The following TBCK variants were observed in gnomAD, a reference collection of about 807,000 sequenced individuals.
TBCK encodes TBC domain-containing protein kinase-like protein.
In TBCK, 99 loss-of-function variants were observed where a neutral mutation model predicts 113.4. The observed-to-expected ratio is 0.87, with a 90% CI of 0.74 to 1.03. The LOEUF is 1.03. TBCK is among the 50% of genes least tolerant of loss of function. TBCK has a pLI of 0.00. For synonymous variants in TBCK, 369 were observed against 370.8 expected, an observed-to-expected ratio of 1.00 and a Z score of 0.05; for missense variants, 1,045 against 1,061.3, an observed-to-expected ratio of 0.98 and a Z score of 0.21.
At chr4:106,073,867 C>G (rs1179101970) in intron 25 of TBCK, among the ~76,000 whole-genome samples, 3 of 152,208 alleles carry the variant, frequency 2.0e-5, no homozygotes, top group Non-Finnish European at 4.4e-5. Flanking sequence ...AGTTCGATCT[C>G]AGACTGCTGT....
At chr4:106,225,167 T>C (rs1579310253) in intron 19 of TBCK, among the ~76,000 whole-genome samples, 1 of 152,314 alleles carries the variant, frequency 6.6e-6, no homozygotes, top group Non-Finnish European at 1.5e-5. Flanking sequence ...GTTTTTTTTC[T>C]TATGTAACAT....
intron 22 of TBCK, among the ~76,000 whole-genome samples, chr4:106,187,118 C>T (rs1753113091): frequency 6.6e-6 from 1 of 152,080 alleles, no homozygotes; most frequent in Non-Finnish European, 1.5e-5. Flanking sequence ...TGTACCAGTA[C>T]CGTGCTGTTT....
chr4:106,080,996 A>G (rs373477008), intron 25 of TBCK, among the ~76,000 whole-genome samples: 2 of 152,124 alleles, frequency 1.3e-5, no homozygotes, highest in African/African-American at 4.8e-5. Context: ...GTCAGAATGG[A>G]GATTATTAAA....
In TBCK at chr4:106,192,415, C is replaced by T. The variant is rs187612210; in HGVS notation, c.2059+1194G>A. Among the ~76,000 whole-genome samples the T allele has an allele frequency of 1.0e-2, 1,391 of 139,244 alleles. 6 individuals carry two copies. The highest frequency in any genetic ancestry group is 0.013 in the Non-Finnish European group (908 of 67,864). 91.3% of individuals were successfully genotyped at this position (139,244 alleles called of 152,430 possible). ...TAATATAAACAGTATTCCCAGTTTG[C>T]GAAACTAGCTTATTTATTACTGTTC... On this transcript the variant is annotated intron_variant, in intron 22 of 25. Coordinates refer to ENST00000394708, the MANE Select transcript of TBCK (RefSeq NM_001163435.3).
intron 23 of TBCK, among the ~76,000 whole-genome samples, chr4:106,121,461 TCAA>T (rs1744364405): frequency 2.0e-5 from 3 of 147,500 alleles, no homozygotes; most frequent in Admixed American, 1.4e-4. Context: ...ATTAGACAGA[TCAA>T]CGAGACAGAA....
rs185351700 is a variant in TBCK, at chr4:106,291,020, T to C, written c.266+4074A>G. Among the ~76,000 whole-genome samples, 4 of 152,256 alleles carry C rather than the reference T, an allele frequency of 2.6e-5. No homozygotes were observed. In the East Asian group the frequency reaches 7.7e-4, roughly 29 times the overall value. ...CTGCACAGAGACCATAATAAATCAA[T>C]TACTTGCAGACTCATCAAAACCCTA... On this transcript the variant is annotated intron_variant, in intron 3 of 25. Transcript: ENST00000394708.
chr4:106,227,774 T>C (rs189621890), intron 19 of TBCK, among the ~76,000 whole-genome samples: 1 of 152,064 alleles, frequency 6.6e-6, no homozygotes, highest in Non-Finnish European at 1.5e-5. Flanking sequence ...TAGTCTGCTC[T>C]AAAAGAACAG....
chr4:106,221,602 A>C (rs1248735790), intron 19 of TBCK, among the ~76,000 whole-genome samples: 2 of 152,034 alleles, frequency 1.3e-5, no homozygotes, highest in Non-Finnish European at 2.9e-5. Flanking sequence ...CCTTGGTGTA[A>C]ATTTTTAAAA....
chr4:106,130,575 A>G (rs1267757107), intron 23 of TBCK, among the ~76,000 whole-genome samples: 1 of 143,632 alleles, frequency 7.0e-6, no homozygotes, highest in Non-Finnish European at 1.5e-5. Flanking sequence ...ATTATGGACC[A>G]CTTTTGCGCT....
At chr4:106,098,689 G>T (rs1741213180) in intron 24 of TBCK, among the ~76,000 whole-genome samples, 1 of 152,000 alleles carries the variant, frequency 6.6e-6, no homozygotes, top group Non-Finnish European at 1.5e-5. Context: ...ACTTTACCAC[G>T]TGTTTGGATA....
At chr4:106,308,258 T>A (rs1312724958) in intron 2 of TBCK, among the ~76,000 whole-genome samples, 1 of 152,136 alleles carries the variant, frequency 6.6e-6, no homozygotes, top group Non-Finnish European at 1.5e-5. Flanking sequence ...AAGGTCCTTA[T>A]CCTCAAGAAC....
chr4:106,212,925 G>T, intron 19 of TBCK, 90 bp from the exon 20 acceptor site: 1 of 825,164 alleles, frequency 1.2e-6, no homozygotes, highest in Non-Finnish European at 2.0e-6. Flanking sequence ...TACATTGAAT[G>T]AGATTTAATT....
At chr4:106,252,790 T>C (rs919590962) in intron 5 of TBCK, among the ~76,000 whole-genome samples, 1 of 152,096 alleles carries the variant, frequency 6.6e-6, no homozygotes, top group Non-Finnish European at 1.5e-5. Context: ...CATTCCAAGA[T>C]CGTAAGGTAT....
intron 22 of TBCK, among the ~76,000 whole-genome samples, chr4:106,172,625 T>G (rs1274119337): frequency 6.6e-6 from 1 of 152,112 alleles, no homozygotes; most frequent in African/African-American, 2.4e-5. Flanking sequence ...TCTCCCCCTC[T>G]TTTTGAAATG....
intron 2 of TBCK, among the ~76,000 whole-genome samples, chr4:106,296,511 A>G (rs992094139): frequency 2.2e-4 from 34 of 152,106 alleles, no homozygotes; most frequent in Admixed American, 9.8e-4. Context: ...AAAATAGTTC[A>G]GTAATGATTG....
chr4:106,220,521 G>C (rs1414191463), intron 19 of TBCK, among the ~76,000 whole-genome samples: 3 of 151,446 alleles, frequency 2.0e-5, no homozygotes, highest in Admixed American at 6.6e-5. Context: ...ACACAGAAGA[G>C]CTTCAGGGCA....
intron 13 of TBCK, 91 bp from the exon 14 acceptor site, chr4:106,236,610 C>T (rs1200161342): frequency 8.4e-7 from 1 of 1,195,474 alleles, no homozygotes; most frequent in Non-Finnish European, 1.1e-6. Flanking sequence ...ACAGTGATTT[C>T]AGAAAAAGCA....
Position 106,242,510 on chromosome 4 carries a change from T to A in TBCK, c.1130A>T (p.Asp377Val), listed in dbSNP as rs34840340. The A allele has an allele frequency of 3.0e-3, 4,770 of 1,609,690 alleles. 8 individuals are homozygous for A. Among genetic ancestry groups the A allele is most frequent in the Non-Finnish European group, 3.5e-3 (4,176 of 1,177,940 alleles). The change falls in exon 12 of 26, where the codon GAT becomes GTT. Residue 377 changes from aspartate to valine, a missense_variant. Physicochemically the swap from Asp to Val is radical, Grantham distance 152. Coordinates refer to ENST00000394708, the MANE Select transcript of TBCK (RefSeq NM_001163435.3). ...TAACGACAATGTCACAGTGGTATCA[T>A]CTAAAAGCGAGCTTCTATCTCGACC... Reference protein sequence around the residue: ...GQGRDRSSLLDDTTVTLSLCQ... With the variant: ...GQGRDRSSLLVDTTVTLSLCQ...
Position 106,046,158 on chromosome 4 carries a change from G to C in TBCK, c.*412C>G, listed in dbSNP as rs1734198541. On this transcript the variant is annotated 3_prime_UTR_variant, in exon 26 of 26. Coordinates refer to ENST00000394708, the MANE Select transcript of TBCK (RefSeq NM_001163435.3). ...GAATAGTTTCTCAGTTTTCATTATG[G>C]AAAGATGATGATTTCAGCCCACATT... The C allele has an allele frequency of 6.5e-6, 1 of 154,622 alleles. No individual in the cohort carries two copies. Among genetic ancestry groups the C allele is most frequent in the Non-Finnish European group, 1.4e-5 (1 of 69,834 alleles). The allele number at this position is 154,622 out of a possible 1,614,324, so 9.6% of individuals were successfully genotyped here.
Sources: allele counts gnomAD v4.1 joint callset (sites outside exome capture counted in the v4.1 genomes callset), GRCh38; gene constraint gnomAD v4.1.1; transcripts MANE v1.5; gene names NCBI Gene and HGNC (gene_info 2026-07-23, HGNC 2026-07-21).